Variants in PHF24 observed in about 807,000 individuals in gnomAD.
PHF24 encodes PHD finger protein 24.
A neutral mutation model predicts 42.6 loss-of-function variants in PHF24; 25 were observed. That is an observed-to-expected ratio of 0.59 (90% CI 0.43 to 0.82). PHF24 has a LOEUF of 0.82. Ranked by LOEUF, PHF24 falls within the 40% of genes least tolerant of loss-of-function variation. PHF24 has a pLI of 0.00. For synonymous variants in PHF24, 185 were observed against 204.8 expected, an observed-to-expected ratio of 0.90 and a Z score of 0.83; for missense variants, 470 against 538.1, an observed-to-expected ratio of 0.87 and a Z score of 1.25.
the PHF24 span, among the ~76,000 whole-genome samples, chr9:34,831,510 C>A: frequency 1.3e-5 from 2 of 152,146 alleles, no homozygotes; most frequent in Non-Finnish European, 2.9e-5. Context: ...GCTCAACACC[C>A]TGCCCTTCAT....
the PHF24 span, among the ~76,000 whole-genome samples, chr9:34,772,461 C>T: frequency 6.6e-6 from 1 of 151,586 alleles, no homozygotes; most frequent in Non-Finnish European, 1.5e-5. Flanking sequence ...AGAGGAAGGT[C>T]GGACAAAAAT....
At chr9:34,684,904 G>C in the PHF24 span, among the ~76,000 whole-genome samples, 1 of 152,150 alleles carries the variant, frequency 6.6e-6, no homozygotes, top group South Asian at 2.1e-4. Context: ...TCCCCCTGGA[G>C]CCACGGGGAA....
chr9:34,929,546 A>G, the PHF24 span, among the ~76,000 whole-genome samples: 1 of 152,340 alleles, frequency 6.6e-6, no homozygotes, highest in African/African-American at 2.4e-5. Context: ...TGAGCAAACT[A>G]ATGAATGATG....
the PHF24 span, among the ~76,000 whole-genome samples, chr9:34,793,749 T>C: frequency 6.7e-6 from 1 of 149,378 alleles, no homozygotes; most frequent in Non-Finnish European, 1.5e-5. Flanking sequence ...CACCTGTGTT[T>C]CTTTTATTCT....
At chr9:34,938,775 A>C in the PHF24 span, among the ~76,000 whole-genome samples, 2 of 40,782 alleles carry the variant, frequency 4.9e-5, no homozygotes, top group East Asian at 4.9e-4. Flanking sequence ...TAAAAATACA[A>C]AAAAAAAAAA....
chr9:34,803,397 GAAA>G, the PHF24 span, among the ~76,000 whole-genome samples: 32 of 147,708 alleles, frequency 2.2e-4, no homozygotes, highest in East Asian at 1.9e-4. Context: ...TTCTAAAAAG[GAAA>G]AAAAAAAAAA....
At chr9:34,728,070 G>A in the PHF24 span, 8 of 1,551,990 alleles carry the variant, frequency 5.2e-6, no homozygotes, top group South Asian at 9.5e-5. Context: ...TTCTTCCCGG[G>A]AACGTCTCCT....
chr9:34,821,205 C>T, the PHF24 span, among the ~76,000 whole-genome samples: 1 of 152,134 alleles, frequency 6.6e-6, no homozygotes, highest in Non-Finnish European at 1.5e-5. Flanking sequence ...TTAAATCTAC[C>T]ATCTTGCCAT....
the PHF24 span, chr9:34,917,986 G>C: frequency 1.2e-3 from 1,596 of 1,376,080 alleles, 20 homozygotes; most frequent in African/African-American, 0.02. Flanking sequence ...AAATACACTG[G>C]GGAGGCCATC....
At chr9:34,739,096 C>T in the PHF24 span, among the ~76,000 whole-genome samples, 1 of 152,104 alleles carries the variant, frequency 6.6e-6, no homozygotes, top group Non-Finnish European at 1.5e-5. Flanking sequence ...TTGCAGTTTT[C>T]TAATTTTCTT....
the PHF24 span, among the ~76,000 whole-genome samples, chr9:34,864,245 TAAC>T: frequency 2.0e-5 from 3 of 152,052 alleles, no homozygotes; most frequent in Non-Finnish European, 2.9e-5. Flanking sequence ...AAAGGGATAA[TAAC>T]AGAGAAATTC....
chr9:34,824,737 A>G, the PHF24 span, among the ~76,000 whole-genome samples: 1 of 152,204 alleles, frequency 6.6e-6, no homozygotes, highest in African/African-American at 2.4e-5. Context: ...TCTTGTATAG[A>G]TGACAGGTTG....
chr9:34,927,031 C>T, the PHF24 span, among the ~76,000 whole-genome samples: 1 of 152,278 alleles, frequency 6.6e-6, no homozygotes, highest in Admixed American at 6.5e-5. Context: ...TTCTCCGGTC[C>T]TGAGCATGGG....
the PHF24 span, among the ~76,000 whole-genome samples, chr9:34,941,014 C>A: frequency 6.6e-6 from 1 of 152,074 alleles, no homozygotes; most frequent in African/African-American, 2.4e-5. Context: ...TCTTTGGAGA[C>A]CAGGACACCT....
At chr9:34,899,263 A>C in the PHF24 span, among the ~76,000 whole-genome samples, 148,146 of 152,314 alleles carry the variant, frequency 0.97, 72,102 homozygotes, top group Non-Finnish European at 0.99. Flanking sequence ...ATCAAGGATT[A>C]TTCTTCATTT....
chr9:34,917,667 G>A, the PHF24 span: 1 of 780,556 alleles, frequency 1.3e-6, no homozygotes, highest in Non-Finnish European at 2.4e-6. Context: ...TATTACTGCA[G>A]TGTGGGAGCA....
At chr9:34,923,561 T>C in the PHF24 span, among the ~76,000 whole-genome samples, 1 of 152,334 alleles carries the variant, frequency 6.6e-6, no homozygotes, top group South Asian at 2.1e-4. Context: ...AGGTAGGTTG[T>C]ATGTATGTAG....
chr9:34,963,257 G>GT (rs1826655734), intron 1 of PHF24, among the ~76,000 whole-genome samples: 1 of 126,172 alleles, frequency 7.9e-6, no homozygotes, highest in Non-Finnish European at 1.6e-5. Flanking sequence ...TCTTTTTGAT[G>GT]GTTTTTTTTT....
chr9:34,827,058 G>GC, the PHF24 span, among the ~76,000 whole-genome samples: 2 of 152,096 alleles, frequency 1.3e-5, no homozygotes, highest in African/African-American at 4.8e-5. Context: ...TCATTTCTCT[G>GC]CCCCTGGGAC....
Sources: gnomAD v4.1 joint callset for allele counts (sites outside exome capture counted in the v4.1 genomes callset) on GRCh38, gnomAD v4.1.1 for gene constraint, MANE v1.5 for transcripts, NCBI Gene and HGNC (gene_info 2026-07-23, HGNC 2026-07-21) for gene names.